HMGB1: variants seen among roughly 807,000 people sequenced by gnomAD.
HMGB1 encodes high mobility group box 1.
For synonymous variants in HMGB1, 81 were observed against 84.0 expected (o/e 0.96, Z 0.19); for missense variants, 79 against 253.5 (o/e 0.31, Z 4.67).
intron 1 of HMGB1, among the ~76,000 whole-genome samples, chr13:30,552,753 C>G (rs1869486609): frequency 6.6e-6 from 1 of 152,228 alleles, no homozygotes; most frequent in African/African-American, 2.4e-5. Context: ...TCTCATTCCA[C>G]TCTCTCATTG....
chr13:30,605,147 A>AG (rs566065530), intron 1 of HMGB1, among the ~76,000 whole-genome samples: 22 of 152,342 alleles, frequency 1.4e-4, no homozygotes, highest in Non-Finnish European at 3.1e-4. Flanking sequence ...GGGGCTGTGC[A>AG]GAAGAGACTG....
rs927367449 is a variant in HMGB1 at position 30,460,133 on chromosome 13, A to C, written c.*1224T>G. On this transcript the variant is annotated 3_prime_UTR_variant, in exon 5 of 5. Coordinates refer to ENST00000341423, the MANE Select transcript of HMGB1 (RefSeq NM_002128.7). Reference sequence around the variant, plus strand: ...AATGAATGAGTTTGTTTTGTAAAGAAAAATCATTCAAATAAATTGAATAAT... The same window carrying C: ...AATGAATGAGTTTGTTTTGTAAAGACAAATCATTCAAATAAATTGAATAAT... 2.6e-5 allele frequency: 4 copies of C among 152,536 alleles called. No individual in the cohort carries two copies. The highest frequency in any genetic ancestry group is 7.3e-5 in the African/African-American group (3 of 41,376). 9.4% of individuals were successfully genotyped at this position (152,536 alleles called of 1,614,324 possible).
chr13:30,607,016 C>T (rs1386309276), intron 1 of HMGB1, among the ~76,000 whole-genome samples: 3 of 143,588 alleles, frequency 2.1e-5, no homozygotes, highest in Non-Finnish European at 4.4e-5. Flanking sequence ...TATTGAACTT[C>T]TTTTAAGCTT....
chr13:30,614,619 T>C (rs77089886), intron 1 of HMGB1, among the ~76,000 whole-genome samples: 2 of 152,224 alleles, frequency 1.3e-5, no homozygotes, highest in Non-Finnish European at 2.9e-5. Flanking sequence ...AACTTTAGAC[T>C]ATTATCACAC....
intron 1 of HMGB1, among the ~76,000 whole-genome samples, chr13:30,613,043 G>A (rs904136698): frequency 3.9e-5 from 6 of 152,148 alleles, no homozygotes; most frequent in African/African-American, 1.4e-4. Context: ...CCTTGTTAAT[G>A]CAAATTTGAG....
chr13:30,462,393 C>G, intron 4 of HMGB1, 145 bp downstream of exon 4: 1 of 783,828 alleles, frequency 1.3e-6, no homozygotes, highest in Non-Finnish European at 2.3e-6. Context: ...ATTTGGTCCT[C>G]TGCATTCTTT....
Position 30,573,539 on chromosome 13 carries a change from C to T in HMGB1, c.-15+43132G>A, listed in dbSNP as rs184232413. On this transcript the variant is annotated intron_variant, in intron 1 of 4. Transcript: ENST00000405805. ...TTTTTGATAAGCTTTTCATTACATA[C>T]AAACCATATAATTTGTAAAAAATTG... is the stretch of plus-strand genomic sequence containing the variant. Among the ~76,000 whole-genome samples, 13 of 151,892 alleles carry T rather than the reference C, an allele frequency of 8.6e-5. No homozygotes were observed. The East Asian group carries it at 2.1e-3, about 25-fold the overall frequency.
At position 30,492,045 on chromosome 13, in the gene HMGB1, G is replaced by T. The variant is rs141100112; in HGVS notation, c.-14-28351C>A. On this transcript the variant is annotated intron_variant, in intron 1 of 4. Coordinates refer to the HMGB1 transcript ENST00000405805. ...TAGCCAGGCGTGGTAGTATGCACCT[G>T]TAGTCCCAGCTACTCGGGAGGCTGA... 3.0e-3 allele frequency among the ~76,000 whole-genome samples: 457 copies of T among 152,206 alleles called. 2 individuals carry two copies. Among genetic ancestry groups the T allele is most frequent in the African/African-American group, 0.011 (439 of 41,516 alleles).
At chr13:30,615,493 T>A (rs1938455437) in intron 1 of HMGB1, among the ~76,000 whole-genome samples, 1 of 152,230 alleles carries the variant, frequency 6.6e-6, no homozygotes. Flanking sequence ...AAAGACTATA[T>A]ACAGCTTCTC....
rs1886154002 is a variant in HMGB1 at position 30,459,300 on chromosome 13, G to T, written c.*2057C>A. The stretch of plus-strand genomic sequence containing the variant: ...AGAGGGGTTTTGTCCATTTTCTTAA[G>T]ATCTGTGGTCAAGAATAAACCCTAA... On this transcript the variant is annotated 3_prime_UTR_variant, in exon 5 of 5. Transcript: ENST00000341423. The T allele has an allele frequency of 6.6e-6, 1 of 152,018 alleles. No individual in the cohort carries two copies. The highest frequency in any genetic ancestry group is 2.4e-5 in the African/African-American group (1 of 41,400). 9.4% of individuals were successfully genotyped at this position (152,018 alleles called of 1,614,324 possible).
chr13:30,529,765 C>G (rs1487977919), intron 1 of HMGB1, among the ~76,000 whole-genome samples: 4 of 152,050 alleles, frequency 2.6e-5, no homozygotes. Context: ...GAAACAGCAG[C>G]CATACAGCTA....
At chr13:30,555,033 G>GTGTTT (rs1869616442) in intron 1 of HMGB1, among the ~76,000 whole-genome samples, 3 of 72,412 alleles carry the variant, frequency 4.1e-5, no homozygotes, top group Non-Finnish European at 7.1e-5. Flanking sequence ...GTGTCGTTGT[G>GTGTTT]TTTTTTTTTT....
chr13:30,527,165 G>A (rs948969882), intron 1 of HMGB1, among the ~76,000 whole-genome samples: 7 of 152,210 alleles, frequency 4.6e-5, no homozygotes, highest in Non-Finnish European at 8.8e-5. Context: ...GGAGGCGGGC[G>A]AGAAAGCTGA....
chr13:30,616,003 G>A (rs567154473), intron 1 of HMGB1, among the ~76,000 whole-genome samples: 6 of 152,196 alleles, frequency 3.9e-5, no homozygotes, highest in Non-Finnish European at 7.3e-5. Context: ...CACTCTCTCT[G>A]GGACCAGGAT....
chr13:30,601,288 G>T (rs930450896), intron 1 of HMGB1, among the ~76,000 whole-genome samples: 25 of 152,124 alleles, frequency 1.6e-4, no homozygotes, highest in African/African-American at 6.0e-4. Flanking sequence ...GACTCAGCCC[G>T]CCTGCACCCA....
At position 30,463,648 on chromosome 13, in the gene HMGB1, G is replaced by A; in HGVS notation, c.33C>T (p.Gly11=). 6.3e-7 allele frequency: 1 copy of A among 1,584,494 alleles called. No homozygotes were observed. Among genetic ancestry groups the A allele is most frequent in the Non-Finnish European group, 8.6e-7 (1 of 1,165,598 alleles). Residue 11 remains glycine, a synonymous_variant, in exon 2 of 5, where the codon GGC becomes GGT. Transcript: ENST00000341423. ...CAAAAAATGCATATGATGACATTTT[G>A]CCTCTCGGCTTCTTAGGATCTCCTT... The part of the protein sequence containing the change: MGKGDPKKPR[G]KMSSYAFFVQ...
chr13:30,510,923 C>T (rs1464325012), intron 1 of HMGB1, among the ~76,000 whole-genome samples: 1 of 152,092 alleles, frequency 6.6e-6, no homozygotes, highest in African/African-American at 2.4e-5. Flanking sequence ...TTGTGTATAT[C>T]AGGAACATCT....
At chr13:30,605,843 T>C (rs1950452841) in intron 1 of HMGB1, among the ~76,000 whole-genome samples, 1 of 152,236 alleles carries the variant, frequency 6.6e-6, no homozygotes, top group South Asian at 2.1e-4. Context: ...CAACATTTAA[T>C]GCCATATGTT....
At chr13:30,553,967 T>C in intron 1 of HMGB1, 1 of 1,485,560 alleles carries the variant, frequency 6.7e-7, no homozygotes, top group Non-Finnish European at 9.4e-7. Flanking sequence ...ATTTCTGGCT[T>C]ACGGTTTGGC....
Sources: gnomAD v4.1 joint callset for allele counts (sites outside exome capture counted in the v4.1 genomes callset) on GRCh38, gnomAD v4.1.1 for gene constraint, MANE v1.5 for transcripts, NCBI Gene and HGNC (gene_info 2026-07-23, HGNC 2026-07-21) for gene names.